The following PCDHA1 variants were observed in gnomAD, a reference collection of about 807,000 sequenced individuals.
PCDHA1 encodes the protein protocadherin alpha 1, also known as protocadherin alpha-1.
In PCDHA1, 42 loss-of-function variants were observed where a neutral mutation model predicts 61.3. The ratio of observed to expected loss-of-function variants is 0.69; its 90% confidence interval spans 0.54 to 0.89. The LOEUF is 0.89. Among genes scored for constraint, PCDHA1 ranks in the 40% least tolerant of loss-of-function variants. PCDHA1 has a pLI of 0.00. For missense variants in PCDHA1, 1,256 were observed against 1,235.3 expected, an observed-to-expected ratio of 1.02 and a Z score of -0.25; for synonymous variants, 610 against 553.8, an observed-to-expected ratio of 1.10 and a Z score of -1.43.
intron 1 of PCDHA1, chr5:140,876,669 C>T: frequency 6.2e-7 from 1 of 1,614,186 alleles, no homozygotes; most frequent in Non-Finnish European, 8.5e-7. Context: ...AGCTGGTGTC[C>T]ACCTACAAGA....
At chr5:140,820,840 C>T (rs1421373475) in intron 1 of PCDHA1, among the ~76,000 whole-genome samples, 2 of 151,766 alleles carry the variant, frequency 1.3e-5, no homozygotes, top group African/African-American at 4.8e-5. Flanking sequence ...GTAATAGCAA[C>T]TTGAAGAAAT....
Position 140,836,456 on chromosome 5 carries a change from C to T in PCDHA1, c.2394+47772C>T, listed in dbSNP as rs2150261271. ...CGTTGGGCATTGCAGGCCCAGAGAC[C>T]GAGCTGGTGGATGTCAACGTGTACC... is the stretch of plus-strand genomic sequence containing the variant. On this transcript the variant is annotated intron_variant, in intron 1 of 3. Coordinates refer to ENST00000504120, the MANE Select transcript of PCDHA1 (RefSeq NM_018900.4). 9 of 1,613,808 alleles carry T rather than the reference C, an allele frequency of 5.6e-6. No individual in the cohort carries two copies. In the South Asian group the frequency reaches 7.7e-5, roughly 14 times the overall value.
At chr5:141,002,759 G>A (rs1312107218) in intron 3 of PCDHA1, among the ~76,000 whole-genome samples, 1 of 152,214 alleles carries the variant, frequency 6.6e-6, no homozygotes, top group Non-Finnish European at 1.5e-5. Flanking sequence ...ACCCTGTGAT[G>A]TAGACAGGAA....
chr5:140,883,639 G>A (rs2059720248), intron 1 of PCDHA1: 1 of 1,614,016 alleles, frequency 6.2e-7, no homozygotes, highest in Non-Finnish European at 8.5e-7. Context: ...CGTTCGCGCA[G>A]CCCGAGTACA....
In PCDHA1 at chr5:140,787,904, G is replaced by T; in HGVS notation, c.1614G>T (p.Arg538=). The T allele has an allele frequency of 6.2e-7, 1 of 1,613,640 alleles. No homozygotes were observed. Among genetic ancestry groups the T allele is most frequent in the South Asian group, 1.1e-5 (1 of 91,060 alleles). Residue 538 remains arginine, a synonymous_variant, in exon 1 of 4, where the codon CGG becomes CGT. Coordinates refer to ENST00000504120, the MANE Select transcript of PCDHA1 (RefSeq NM_018900.4). ...TGCTGCAGTTCCAGGTGAGCGCGCG[G>T]GATGCGGGCGTGCCGCCTCTGGGCA... ...LELLQFQVSA[R]DAGVPPLGSN...
At chr5:140,852,881 A>G in intron 1 of PCDHA1, 1 of 940,356 alleles carries the variant, frequency 1.1e-6, no homozygotes, top group Non-Finnish European at 1.3e-6. Flanking sequence ...TAATCATAAA[A>G]CGTATTTTTT....
At chr5:140,803,300 C>T (rs782715241) in intron 1 of PCDHA1, 17 of 1,613,996 alleles carry the variant, frequency 1.1e-5, no homozygotes, top group Admixed American at 3.3e-5. Flanking sequence ...TGTACTTGAT[C>T]GTCGCCATCT....
intron 1 of PCDHA1, chr5:140,843,946 C>A: frequency 1.8e-6 from 1 of 563,342 alleles, no homozygotes; most frequent in Non-Finnish European, 3.1e-6. Context: ...TGGATGATAT[C>A]CATTTTTTAC....
chr5:140,967,052 A>C (rs1554229118), intron 1 of PCDHA1: 1 of 1,612,532 alleles, frequency 6.2e-7, no homozygotes, highest in Non-Finnish European at 8.5e-7. Context: ...GGACCTGACG[A>C]GTGGAGCGCT....
chr5:140,866,263 T>G (rs1051175533), intron 1 of PCDHA1: 1 of 152,174 alleles, frequency 6.6e-6, no homozygotes, highest in Non-Finnish European at 1.5e-5. Context: ...CTTTCTTTAC[T>G]GTGAATAAAG....
chr5:140,856,518 C>T, intron 1 of PCDHA1: 1 of 1,598,510 alleles, frequency 6.3e-7, no homozygotes, highest in Non-Finnish European at 8.6e-7. Flanking sequence ...GAAGGCGCAT[C>T]TGATGCGGAT....
At chr5:140,813,728 G>C (rs1765368616) in intron 1 of PCDHA1, 1 of 152,332 alleles carries the variant, frequency 6.6e-6, no homozygotes, top group South Asian at 2.1e-4. Context: ...GGTCATGGTG[G>C]CTCATGCCTG....
chr5:140,830,345 C>A lies in PCDHA1; in HGVS notation c.2394+41661C>A, dbSNP rs1275311628. ...CGCAGTGGGGAGCTGGTCGTACTCG[C>A]AGCAGAGGCGGCAGAGGGTGTGCTC... On this transcript the variant is annotated intron_variant, in intron 1 of 3. Transcript: ENST00000504120. 1.2e-6 allele frequency: 2 copies of A among 1,613,980 alleles called. No individual in the cohort carries two copies. Among genetic ancestry groups the A allele is most frequent in the African/African-American group, 2.7e-5 (2 of 74,922 alleles).
Position 140,967,085 on chromosome 5 carries a change from C to A in PCDHA1, c.2395-11864C>A, listed in dbSNP as rs155809. On this transcript the variant is annotated intron_variant, in intron 1 of 3. Coordinates refer to ENST00000504120, the MANE Select transcript of PCDHA1 (RefSeq NM_018900.4). ...GCTCTTCGTCAACGAGCGCATTGAT[C>A]GGGAGGCGCTGTGTGAGCAGCGGCC... The A allele has an allele frequency of 3.0e-3, 4,870 of 1,613,198 alleles. 112 individuals are homozygous for A. The African/African-American group carries it at 0.056, about 18-fold the overall frequency.
chr5:140,896,596 C>T (rs1554187019), intron 1 of PCDHA1, among the ~76,000 whole-genome samples: 2 of 151,466 alleles, frequency 1.3e-5, no homozygotes, highest in African/African-American at 4.9e-5. Flanking sequence ...AGGCTGGTCT[C>T]GAACTCCTGG....
chr5:140,968,744 G>A (rs782484391), intron 1 of PCDHA1: 20 of 1,614,164 alleles, frequency 1.2e-5, no homozygotes, highest in East Asian at 2.2e-5. Context: ...CAACCTGACC[G>A]TGGTGGTCCG....
At chr5:140,953,620 T>G (rs1207803220) in intron 1 of PCDHA1, among the ~76,000 whole-genome samples, 1 of 152,146 alleles carries the variant, frequency 6.6e-6, no homozygotes, top group Non-Finnish European at 1.5e-5. Context: ...CTTAGATATT[T>G]GCTTTATGTA....
chr5:140,851,152 C>A, intron 1 of PCDHA1: 2 of 1,305,064 alleles, frequency 1.5e-6, no homozygotes, highest in Non-Finnish European at 2.0e-6. Context: ...CATTGAATTT[C>A]TGATGCTATG....
intron 1 of PCDHA1, chr5:140,927,032 C>T: frequency 6.2e-7 from 1 of 1,612,120 alleles, no homozygotes; most frequent in Non-Finnish European, 8.5e-7. Context: ...AGGCTGCCAG[C>T]GGCCGCTATG....
Sources: gnomAD v4.1 joint callset for allele counts (sites outside exome capture counted in the v4.1 genomes callset) on GRCh38, gnomAD v4.1.1 for gene constraint, MANE v1.5 for transcripts, NCBI Gene and HGNC (gene_info 2026-07-23, HGNC 2026-07-21) for gene names.